DNAJC7: variants seen among roughly 807,000 people sequenced by gnomAD.
DNAJC7 encodes dnaJ homolog subfamily C member 7.
In DNAJC7, 18 loss-of-function variants were observed where a neutral mutation model predicts 67.4. The ratio of observed to expected loss-of-function variants is 0.27; its 90% CI spans 0.18 to 0.40. The LOEUF (loss-of-function observed/expected upper bound fraction) is 0.40. Ranked by LOEUF, DNAJC7 falls within the 10% of genes least tolerant of loss-of-function variation. The pLI is 1.00. For synonymous variants in DNAJC7, 220 were observed against 207.8 expected, an observed-to-expected ratio of 1.06 and a Z score of -0.50; for missense variants, 419 against 613.8, an observed-to-expected ratio of 0.68 and a Z score of 3.35.
Position 41,996,982 on chromosome 17 carries a change from C to T in DNAJC7, c.291+133G>A, listed in dbSNP as rs1383579119. On this transcript the variant is annotated intron_variant, in intron 3 of 13. Coordinates refer to ENST00000457167, the MANE Select transcript of DNAJC7 (RefSeq NM_003315.4). ...AGATGCTGCTAAACAACCCACAGTG[C>T]ACAGTAAAGTCCCCCACAACAAAGA... is the stretch of plus-strand genomic sequence containing the variant. 4 of 1,390,590 alleles carry T rather than the reference C, an allele frequency of 2.9e-6. No individual in the cohort carries two copies. The Admixed American group carries it at 6.5e-5, about 22-fold the overall frequency. The allele number at this position is 1,390,590 out of a possible 1,614,324, so 86.1% of individuals were successfully genotyped here.
chr17:41,989,460 A>G lies in DNAJC7; in HGVS notation c.697T>C (p.Phe233Leu). 6.2e-7 allele frequency: 1 copy of G among 1,614,040 alleles called. No homozygotes were observed. The highest frequency in any genetic ancestry group is 1.7e-5 in the Admixed American group (1 of 60,022). The change falls in exon 7 of 14, where the codon TTC (phenylalanine) becomes CTC (leucine). Residue 233 changes from phenylalanine to leucine, a missense_variant. Phe to Leu is a conservative substitution (Grantham distance 22). Transcript: ENST00000457167. Reference sequence around the variant, plus strand: ...GGAGCCATCCTGAGAGCCTGTACGAAAAACTGAACTGCCTTCTCAATACAA... The same window carrying G: ...GGAGCCATCCTGAGAGCCTGTACGAGAAACTGAACTGCCTTCTCAATACAA... Reference protein sequence around the residue: ...EDCIEKAVQFFVQALRMAPDH... With the variant: ...EDCIEKAVQFLVQALRMAPDH...
chr17:41,999,104 C>T (rs561493436), intron 2 of DNAJC7, among the ~76,000 whole-genome samples: 10 of 150,124 alleles, frequency 6.7e-5, no homozygotes, highest in South Asian at 2.1e-4. Flanking sequence ...TTTTTTGAGA[C>T]GGAGATTCGC....
Position 42,017,324 on chromosome 17 carries a change from C to T in DNAJC7, c.77+16G>A. 3 of 1,611,514 alleles carry T rather than the reference C, an allele frequency of 1.9e-6. No individual in the cohort carries two copies. The highest frequency in any genetic ancestry group is 2.5e-6 in the Non-Finnish European group (3 of 1,179,874). On this transcript the variant is annotated intron_variant, in intron 1 of 13. Coordinates refer to ENST00000457167, the MANE Select transcript of DNAJC7 (RefSeq NM_003315.4). ...AGCTGCAGGTCGCCTCCTCTACTAC[C>T]CTGCTACCCGGTTACCTCTTCGCCT...
chr17:41,978,670 T>C lies in DNAJC7; in HGVS notation c.1385-1347A>G, dbSNP rs2051156635. ...GTCAGGAGATCGAGATCATCCTGGC[T>C]AACAAAGTGAAACCCCGTCTCTACT... On this transcript the variant is annotated intron_variant, in intron 12 of 13. Coordinates refer to ENST00000457167, the MANE Select transcript of DNAJC7 (RefSeq NM_003315.4). Among the ~76,000 whole-genome samples the C allele has an allele frequency of 2.0e-5, 3 of 151,848 alleles. No individual in the cohort carries two copies. In the South Asian group the frequency reaches 6.2e-4, roughly 31 times the overall value.
intron 4 of DNAJC7, among the ~76,000 whole-genome samples, chr17:41,995,813 T>G (rs1257894203): frequency 6.6e-6 from 1 of 152,220 alleles, no homozygotes; most frequent in African/African-American, 2.4e-5. Context: ...CTCAAATTCT[T>G]TTTTATTTTT....
intron 1 of DNAJC7, chr17:42,015,093 C>T (rs1016225233): frequency 2.6e-5 from 4 of 152,130 alleles, no homozygotes; most frequent in Non-Finnish European, 5.9e-5. Flanking sequence ...GATTCTCCTG[C>T]CTCAGCCTCC....
intron 1 of DNAJC7, chr17:42,016,561 C>T (rs531955499): frequency 6.6e-6 from 1 of 152,666 alleles, no homozygotes; most frequent in African/African-American, 2.4e-5. Flanking sequence ...TTGCCAGAAT[C>T]TAGAGCGTTC....
intron 7 of DNAJC7, 72 bp from the exon 8 acceptor site, chr17:41,988,968 C>G (rs2143173890): frequency 1.3e-6 from 2 of 1,547,656 alleles, no homozygotes; most frequent in Non-Finnish European, 1.7e-6. Context: ...AGAGGCCAGA[C>G]TCTATTTTCA....
intron 5 of DNAJC7, chr17:41,992,612 T>C (rs985270017): frequency 3.9e-5 from 6 of 152,224 alleles, no homozygotes; most frequent in African/African-American, 1.4e-4. Flanking sequence ...CCACACCCTG[T>C]TGCCTTCACA....
intron 1 of DNAJC7, chr17:42,015,478 G>A (rs1462754678): frequency 1.3e-5 from 2 of 152,100 alleles, no homozygotes; most frequent in Non-Finnish European, 2.9e-5. Context: ...TAAGATAGGA[G>A]GCTATGAAAT....
rs1555647143 is a variant in DNAJC7 at position 41,987,930 on chromosome 17, A to G, written c.919-20T>C. On this transcript the variant is annotated intron_variant, in intron 8 of 13. Transcript: ENST00000457167. ...CCTAAGCTTCAGGAGAGAGAGAGCAATCATACTTCACACCTTTGGTGACTG... is the reference window on the plus strand; with the variant it reads ...CCTAAGCTTCAGGAGAGAGAGAGCAGTCATACTTCACACCTTTGGTGACTG... 6.3e-7 allele frequency: 1 copy of G among 1,596,148 alleles called. No homozygotes were observed. The highest frequency in any genetic ancestry group is 2.2e-5 in the East Asian group (1 of 44,690).
intron 10 of DNAJC7, among the ~76,000 whole-genome samples, chr17:41,982,658 T>A (rs1444701517): frequency 6.6e-6 from 1 of 151,842 alleles, no homozygotes; most frequent in African/African-American, 2.4e-5. Context: ...TAAACACAGG[T>A]TTGCTTCTAT....
intron 10 of DNAJC7, among the ~76,000 whole-genome samples, chr17:41,982,610 A>G (rs1038293180): frequency 1.3e-5 from 2 of 152,134 alleles, no homozygotes; most frequent in African/African-American, 2.4e-5. Flanking sequence ...GCCTGCATCA[A>G]TGAGAGATGC....
In DNAJC7 at chr17:41,982,374, T is replaced by C. The variant is rs2051272340; in HGVS notation, c.1112A>G (p.Gln371Arg). The change falls in exon 11 of 14, where the codon CAG (glutamine) becomes CGG (arginine). Residue 371 changes from glutamine (Q) to arginine (R), a missense_variant. Gln to Arg is a conservative substitution (Grantham distance 43). Transcript: ENST00000457167. Reference sequence around the variant, plus strand: ...CCTCTTACTCTTCTTCAGTTCCAGCTGCGCATTTTTTAGGAGCTGTTTGTG... The same window carrying C: ...CCTCTTACTCTTCTTCAGTTCCAGCCGCGCATTTTTTAGGAGCTGTTTGTG... ...KEHKQLLKNA[Q>R]LELKKSKRKD... 1 of 1,613,902 alleles carries C rather than the reference T, an allele frequency of 6.2e-7. No homozygotes were observed. The highest frequency in any genetic ancestry group is 1.1e-5 in the South Asian group (1 of 91,088).
intron 1 of DNAJC7, 68 bp from the exon 2 acceptor site, chr17:42,000,638 G>A (rs1456798117): frequency 8.0e-7 from 1 of 1,250,224 alleles, no homozygotes; most frequent in Non-Finnish European, 1.1e-6. Context: ...TCTTACAGGA[G>A]GAATCTTTGG....
chr17:42,010,552 G>A (rs1376846610), intron 1 of DNAJC7, among the ~76,000 whole-genome samples: 2 of 152,062 alleles, frequency 1.3e-5, no homozygotes, highest in Non-Finnish European at 2.9e-5. Context: ...GGGGTGGGGT[G>A]GAGATGGGAA....
chr17:41,982,704 C>A lies in DNAJC7; in HGVS notation c.1085-303G>T, dbSNP rs2051281326. Among the ~76,000 whole-genome samples, 3 of 152,052 alleles carry A rather than the reference C, an allele frequency of 2.0e-5. No homozygotes were observed. In the South Asian group the frequency reaches 6.2e-4, roughly 32 times the overall value. The stretch of plus-strand genomic sequence containing the variant: ...CGAAAGAAAGGAGGGGCCCTTGGCC[C>A]AAGATGGGAGGAATCAAGCTTGACA... On this transcript the variant is annotated intron_variant, in intron 10 of 13. Transcript: ENST00000457167.
chr17:42,017,249 C>T, intron 1 of DNAJC7, 91 bp downstream of exon 1: 3 of 1,602,496 alleles, frequency 1.9e-6, no homozygotes, highest in Non-Finnish European at 2.5e-6. Context: ...GGCATCGCCT[C>T]AACAGCTGGG....
Position 41,982,179 on chromosome 17 carries a change from C to T in DNAJC7, c.1231+76G>A, listed in dbSNP as rs1598117258. ...AGCTGAAGGACCTCTCCAAGGGGTC[C>T]CCTCTGGACTGAGTGTGGCAGTTGG... On this transcript the variant is annotated intron_variant, in intron 11 of 13. Transcript: ENST00000457167. 2.5e-6 allele frequency: 4 copies of T among 1,581,194 alleles called. No homozygotes were observed. In the East Asian group the frequency reaches 9.0e-5, roughly 36 times the overall value.
Sources: gnomAD v4.1 joint callset for allele counts (sites outside exome capture counted in the v4.1 genomes callset) on GRCh38, gnomAD v4.1.1 for gene constraint, MANE v1.5 for transcripts, NCBI Gene and HGNC (gene_info 2026-07-23, HGNC 2026-07-21) for gene names.